The following ZFYVE21 variants were observed in gnomAD, a reference collection of about 807,000 sequenced individuals.
The protein encoded by ZFYVE21 is zinc finger FYVE domain-containing protein 21.
Under a neutral mutation model 29.5 loss-of-function variants are expected in ZFYVE21, and 21 were observed. The ratio of observed to expected loss-of-function variants is 0.71; its 90% CI spans 0.50 to 1.02. The LOEUF is 1.02. Ranked by LOEUF, ZFYVE21 falls within the 50% of genes least tolerant of loss-of-function variation. The pLI is 0.00. For synonymous variants in ZFYVE21, 151 were observed against 133.8 expected (o/e 1.13, Z -0.89); for missense variants, 326 against 335.4 (o/e 0.97, Z 0.22).
At chr14:103,723,125 A>T (rs913111904) in intron 1 of ZFYVE21, among the ~76,000 whole-genome samples, 5 of 152,174 alleles carry the variant, frequency 3.3e-5, no homozygotes, top group African/African-American at 1.2e-4. Flanking sequence ...AGTTACTCTC[A>T]CTGGAACCTG....
At chr14:103,721,764 T>C (rs74651345) in intron 1 of ZFYVE21, among the ~76,000 whole-genome samples, 4,251 of 152,322 alleles carry the variant, frequency 0.028, 184 homozygotes, top group African/African-American at 0.096. Flanking sequence ...CCTTTATTAT[T>C]TATTTATTCA....
chr14:103,727,970 C>T, intron 3 of ZFYVE21, 56 bp downstream of exon 3: 1 of 1,546,622 alleles, frequency 6.5e-7, no homozygotes, highest in Non-Finnish European at 8.8e-7. Flanking sequence ...CTCCTCGTGT[C>T]TGTGGCGATG....
At position 103,723,205 on chromosome 14, in the gene ZFYVE21, C is replaced by G. The variant is rs181363138; in HGVS notation, c.139-3587C>G. ...CCCGTGAAGCTTTCTCTAGCAGATT[C>G]TAGTGGATTCTGTGGCTAGTGGATG... is the stretch of plus-strand genomic sequence containing the variant. On this transcript the variant is annotated intron_variant, in intron 1 of 6. Transcript: ENST00000311141. 2.2e-3 allele frequency among the ~76,000 whole-genome samples: 332 copies of G among 152,332 alleles called. 2 individuals are homozygous for G. Among genetic ancestry groups the G allele is most frequent in the African/African-American group, 7.8e-3 (325 of 41,568 alleles).
At chr14:103,726,950 T>G in intron 2 of ZFYVE21, 108 bp downstream of exon 2, 2 of 968,602 alleles carry the variant, frequency 2.1e-6, no homozygotes, top group Non-Finnish European at 2.9e-6. Context: ...TATGGCTCGT[T>G]TTTTTTTTTT....
chr14:103,721,908 A>T (rs2072425845), intron 1 of ZFYVE21, among the ~76,000 whole-genome samples: 1 of 152,232 alleles, frequency 6.6e-6, no homozygotes, highest in Non-Finnish European at 1.5e-5. Context: ...CTGGGATGTG[A>T]CGCAGAGGCT....
At position 103,716,758 on chromosome 14, in the gene ZFYVE21, G is replaced by A. The variant is rs76151641; in HGVS notation, c.138+779G>A. The stretch of plus-strand genomic sequence containing the variant: ...AGCCAGGCCATCCGCTGGGCCTCCC[G>A]TGGGGTTCCCTGTGACCTGATCGGA... On this transcript the variant is annotated intron_variant, in intron 1 of 6. Coordinates refer to ENST00000311141, the MANE Select transcript of ZFYVE21 (RefSeq NM_024071.4). The surrounding 1 kb of genome is among the most constrained non-coding windows in gnomAD (Gnocchi z 4.8). Among the ~76,000 whole-genome samples the A allele has an allele frequency of 0.015, 2,330 of 152,256 alleles. 54 individuals are homozygous for A. The highest frequency in any genetic ancestry group is 0.052 in the African/African-American group (2,170 of 41,534).
intron 3 of ZFYVE21, 48 bp downstream of exon 3, chr14:103,727,962 C>G: frequency 1.9e-6 from 3 of 1,560,112 alleles, no homozygotes; most frequent in Non-Finnish European, 2.6e-6. Context: ...CCAGCCGGCT[C>G]CTCGTGTCTG....
intron 1 of ZFYVE21, chr14:103,724,595 A>G (rs2083902842): frequency 6.6e-6 from 1 of 152,218 alleles, no homozygotes; most frequent in Non-Finnish European, 1.5e-5. Context: ...CGTGGAGCGA[A>G]GGTCTTCTCT....
chr14:103,723,830 G>A (rs1241838587), intron 1 of ZFYVE21, among the ~76,000 whole-genome samples: 1 of 152,234 alleles, frequency 6.6e-6, no homozygotes. Flanking sequence ...AGCCCCCTGT[G>A]GAGGGGCTGC....
rs997911377 is a variant in ZFYVE21, at chr14:103,716,065, C to G, written c.138+86C>G. 1.1e-5 allele frequency: 12 copies of G among 1,137,786 alleles called. No homozygotes were observed. The East Asian group carries it at 5.0e-4, about 48-fold the overall frequency. The allele number at this position is 1,137,786 out of a possible 1,614,324, so 70.5% of individuals were successfully genotyped here. A position where few individuals can be genotyped will look rare whatever the true frequency, so the allele number is the denominator to read the frequency against. ...GCGGGCTTCCAGGCTCCCGCGACGACCCCTCCGCCTCCGGGCGGCCCCTTC... is the reference window on the plus strand; with the variant it reads ...GCGGGCTTCCAGGCTCCCGCGACGAGCCCTCCGCCTCCGGGCGGCCCCTTC... On this transcript the variant is annotated intron_variant, in intron 1 of 6. Coordinates refer to ENST00000311141, the MANE Select transcript of ZFYVE21 (RefSeq NM_024071.4). This position sits in a 1 kb window ranked among gnomAD's most constrained non-coding sequence, Gnocchi z 4.8.
intron 1 of ZFYVE21, chr14:103,726,133 C>A (rs1046050866): frequency 6.6e-6 from 1 of 152,306 alleles, no homozygotes; most frequent in South Asian, 2.1e-4. Context: ...GCCTGGCGCC[C>A]GCCCCCGTGG....
At chr14:103,722,542 G>A (rs956790023) in intron 1 of ZFYVE21, among the ~76,000 whole-genome samples, 7 of 152,036 alleles carry the variant, frequency 4.6e-5, no homozygotes, top group South Asian at 4.2e-4. Flanking sequence ...TGTTCAGGCC[G>A]GGCACGGTGG....
At chr14:103,726,959 T>TGTTTTTTTTTG in intron 2 of ZFYVE21, 117 bp downstream of exon 2, 1 of 1,130,664 alleles carries the variant, frequency 8.8e-7, no homozygotes, top group Non-Finnish European at 1.2e-6. Context: ...TTTTTTTTTT[T>TGTTTTTTTTTG]TTTGAGACGG....
chr14:103,719,403 C>G (rs1250605386), intron 1 of ZFYVE21, among the ~76,000 whole-genome samples: 1 of 146,814 alleles, frequency 6.8e-6, no homozygotes, highest in Non-Finnish European at 1.5e-5. Context: ...TGCAATGAGC[C>G]AAGATTGTGC....
intron 1 of ZFYVE21, among the ~76,000 whole-genome samples, chr14:103,721,275 G>T (rs8013596): frequency 2.0e-5 from 3 of 152,174 alleles, no homozygotes; most frequent in Admixed American, 2.0e-4. Context: ...GGGGACAAGC[G>T]CCCAGGGCTC....
In ZFYVE21 at chr14:103,729,199, C is replaced by G; in HGVS notation, c.526+17C>G. On this transcript the variant is annotated intron_variant, in intron 5 of 6. Transcript: ENST00000311141. ...CTCCTGGAGGTAAATGCCAGCACGT[C>G]CTTTCCTAAGCCAGGAGGGTTTGGT... 3.7e-6 allele frequency: 6 copies of G among 1,613,692 alleles called. No homozygotes were observed. The highest frequency in any genetic ancestry group is 5.1e-6 in the Non-Finnish European group (6 of 1,179,716).
chr14:103,719,246 C>A (rs1207371202), intron 1 of ZFYVE21, among the ~76,000 whole-genome samples: 2 of 151,874 alleles, frequency 1.3e-5, no homozygotes, highest in African/African-American at 4.8e-5. Flanking sequence ...CAGCTGCACT[C>A]CAGCCTGGGC....
Position 103,732,610 on chromosome 14 carries a change from TCTC to T in ZFYVE21, c.527-5_527-3del, listed in dbSNP as rs1459898454. ...CCTTTGGGCCGTCTTACCTCGTCTC[TCTC>T]CTCCAGGAGGCAACGCACGGGCCAC... On this transcript the variant is annotated splice_polypyrimidine_tract_variant and splice_region_variant and intron_variant, in intron 5 of 6. Transcript: ENST00000311141. 6.4e-7 allele frequency: 1 copy of T among 1,559,286 alleles called. No individual in the cohort carries two copies. The highest frequency in any genetic ancestry group is 1.2e-5 in the South Asian group (1 of 83,226).
intron 1 of ZFYVE21, among the ~76,000 whole-genome samples, chr14:103,722,585 C>T (rs569705427): frequency 4.6e-5 from 7 of 151,988 alleles, no homozygotes; most frequent in Middle Eastern, 3.4e-3. Context: ...TTTGGGAGGC[C>T]GATGCAGGCA....
Sources: allele counts gnomAD v4.1 joint callset (sites outside exome capture counted in the v4.1 genomes callset), GRCh38; gene constraint gnomAD v4.1.1; non-coding constraint Gnocchi (gnomAD v3.1); transcripts MANE v1.5; gene names NCBI Gene and HGNC (gene_info 2026-07-23, HGNC 2026-07-21).